The following MOSMO variants were observed in gnomAD, a reference collection of about 807,000 sequenced individuals.
The protein encoded by MOSMO is modulator of smoothened protein.
Under a neutral mutation model 18.4 loss-of-function variants are expected in MOSMO, and 5 were observed. The ratio of observed to expected loss-of-function variants is 0.27; its 90% CI spans 0.14 to 0.57. The LOEUF is 0.57. MOSMO is among the 20% of genes least tolerant of loss of function. The pLI is 0.92. For missense variants in MOSMO, 138 were observed against 211.8 expected (o/e 0.65, Z 2.16); for synonymous variants, 82 against 82.3 (o/e 1.00, Z 0.02).
chr16:22,067,350 A>G (rs1213223073), intron 1 of MOSMO, among the ~76,000 whole-genome samples: 5 of 152,234 alleles, frequency 3.3e-5, no homozygotes, highest in African/African-American at 1.2e-4. Flanking sequence ...GAAAAACTAT[A>G]CATTGAAAAA....
chr16:22,040,439 T>C (rs1240973210), intron 1 of MOSMO, among the ~76,000 whole-genome samples: 1 of 152,202 alleles, frequency 6.6e-6, no homozygotes, highest in Non-Finnish European at 1.5e-5. Context: ...AGAAGGATGA[T>C]TTTTGACATA....
chr16:22,021,410 C>T (rs1899759507), intron 1 of MOSMO, among the ~76,000 whole-genome samples: 1 of 152,080 alleles, frequency 6.6e-6, no homozygotes, highest in African/African-American at 2.4e-5. Context: ...AAAAATAGTT[C>T]CTGTCCCCCT....
At chr16:22,062,976 C>A (rs1900679289) in intron 1 of MOSMO, among the ~76,000 whole-genome samples, 1 of 152,214 alleles carries the variant, frequency 6.6e-6, no homozygotes, top group Admixed American at 6.5e-5. Context: ...CCTCAGCCTT[C>A]TGAGTAGCTG....
At position 22,075,621 on chromosome 16, in the gene MOSMO, G is replaced by C. The variant is rs1900951221; in HGVS notation, c.241G>C (p.Val81Leu). The change falls in exon 2 of 3, where the codon GTC becomes CTC. Residue 81 changes from valine (V) to leucine (L), a missense_variant. Transcript: ENST00000542527. ...CATCATGGGAATCATTTCATTGACT[G>C]TCACATGTGGTTTGCTGGTGGCTTC... The part of the protein sequence containing the change: ...FIIMGIISLT[V>L]TCGLLVASHW... 6.5e-7 allele frequency: 1 copy of C among 1,537,386 alleles called. No homozygotes were observed. Among genetic ancestry groups the C allele is most frequent in the Non-Finnish European group, 8.7e-7 (1 of 1,146,930 alleles).
At chr16:22,040,653 T>G (rs1014447894) in intron 1 of MOSMO, among the ~76,000 whole-genome samples, 4 of 152,166 alleles carry the variant, frequency 2.6e-5, no homozygotes, top group African/African-American at 9.7e-5. Context: ...GTCAGAAGGT[T>G]ACATGTAAGA....
intron 1 of MOSMO, among the ~76,000 whole-genome samples, chr16:22,039,406 C>T (rs764644137): frequency 1.3e-5 from 2 of 152,196 alleles, no homozygotes; most frequent in Admixed American, 6.5e-5. Context: ...TCAAGCTCTA[C>T]GCCTGATACA....
intron 1 of MOSMO, among the ~76,000 whole-genome samples, chr16:22,046,209 A>G (rs1403843605): frequency 9.9e-5 from 15 of 152,168 alleles, no homozygotes; most frequent in Admixed American, 9.8e-4. Flanking sequence ...TTATTGCTCT[A>G]TTTAAAGACT....
rs13332033 is a variant in MOSMO, at chr16:22,012,817, T to G, written c.106+4410T>G. ...TACTATAAGATTATGGACCATACTT[T>G]GGACAGCAGAGTTTTTCATGTTTTT... On this transcript the variant is annotated intron_variant, in intron 1 of 2. Transcript: ENST00000542527. Among the ~76,000 whole-genome samples the G allele has an allele frequency of 1.0e-2, 1,519 of 152,136 alleles. 29 individuals carry two copies. Among genetic ancestry groups the G allele is most frequent in the African/African-American group, 0.034 (1,401 of 41,500 alleles).
At chr16:22,024,438 C>T (rs1015996935) in intron 1 of MOSMO, among the ~76,000 whole-genome samples, 1 of 151,288 alleles carries the variant, frequency 6.6e-6, no homozygotes, top group African/African-American at 2.4e-5. Context: ...GATCTCGGCT[C>T]ACTGCCACCT....
At chr16:22,058,338 A>G (rs961852690) in intron 1 of MOSMO, among the ~76,000 whole-genome samples, 1 of 151,742 alleles carries the variant, frequency 6.6e-6, no homozygotes, top group Non-Finnish European at 1.5e-5. Context: ...AGGCAGGAGA[A>G]TCACTTGAAT....
At chr16:22,069,485 A>G (rs190255166) in intron 1 of MOSMO, among the ~76,000 whole-genome samples, 1 of 152,196 alleles carries the variant, frequency 6.6e-6, no homozygotes, top group Admixed American at 6.5e-5. Flanking sequence ...TGGGAAAGAA[A>G]AAAGTGTGTA....
At chr16:22,047,446 A>G (rs925397342) in intron 1 of MOSMO, among the ~76,000 whole-genome samples, 2 of 151,630 alleles carry the variant, frequency 1.3e-5, no homozygotes, top group African/African-American at 2.4e-5. Flanking sequence ...GGGTTTCACC[A>G]TGTTAGCCAG....
downstream of MOSMO, chr16:22,086,114 A>G: frequency 6.6e-6 from 1 of 152,182 alleles, no homozygotes; most frequent in African/African-American, 2.4e-5. Context: ...ACCAACATTC[A>G]TATTCTCTAG....
At chr16:22,091,035 T>TA (rs895568107), downstream of MOSMO, among the ~76,000 whole-genome samples, 111 of 143,790 alleles carry the variant, frequency 7.7e-4, no homozygotes, top group Admixed American at 9.0e-4. Flanking sequence ...CTCCCGTGCC[T>TA]AAAAAAAAAA....
intron 1 of MOSMO, among the ~76,000 whole-genome samples, chr16:22,050,887 G>GA (rs34532029): frequency 0.022 from 1,570 of 70,442 alleles, 8 homozygotes; most frequent in Middle Eastern, 0.098. Context: ...TGTCTCTTAA[G>GA]AAAAAAAAAA....
intron 1 of MOSMO, among the ~76,000 whole-genome samples, chr16:22,062,869 T>A (rs1900674514): frequency 6.6e-6 from 1 of 152,142 alleles, no homozygotes; most frequent in Non-Finnish European, 1.5e-5. Context: ...CTTTTTTCTT[T>A]TGAGATGAAG....
chr16:22,092,026 T>A (rs1473972398), downstream of MOSMO, among the ~76,000 whole-genome samples: 1 of 152,230 alleles, frequency 6.6e-6, no homozygotes, highest in African/African-American at 2.4e-5. Flanking sequence ...CTCATGGGCA[T>A]CCGGGCTTAG....
chr16:22,073,478 C>G (rs994055512), intron 1 of MOSMO, among the ~76,000 whole-genome samples: 8 of 151,716 alleles, frequency 5.3e-5, no homozygotes, highest in African/African-American at 1.9e-4. Flanking sequence ...TTCTCGAGCA[C>G]TGCTGTGAAT....
intron 1 of MOSMO, among the ~76,000 whole-genome samples, chr16:22,009,533 T>G (rs2141974140): frequency 6.6e-6 from 1 of 152,148 alleles, no homozygotes; most frequent in East Asian, 1.9e-4. Flanking sequence ...AGACCAAACC[T>G]TAATTAATGT....
Sources: allele counts gnomAD v4.1 joint callset (sites outside exome capture counted in the v4.1 genomes callset), GRCh38; gene constraint gnomAD v4.1.1; transcripts MANE v1.5; gene names NCBI Gene and HGNC (gene_info 2026-07-23, HGNC 2026-07-21).